The following CUZD1 variants were observed in gnomAD, a reference collection of about 807,000 sequenced individuals.
CUZD1 encodes the protein CUB and zona pellucida-like domain-containing protein 1.
Under a neutral mutation model 53.1 loss-of-function variants are expected in CUZD1, and 42 were observed. The observed-to-expected ratio is 0.79, with a 90% confidence interval of 0.62 to 1.02. The LOEUF is 1.02. CUZD1 is among the 50% of genes least tolerant of loss of function. The probability of loss-of-function intolerance (pLI) is 0.00; values close to 1 mark genes in which losing one functional copy is unlikely to be tolerated. For missense variants in CUZD1, 670 were observed against 715.7 expected, an observed-to-expected ratio of 0.94 and a Z score of 0.73; for synonymous variants, 238 against 257.2, an observed-to-expected ratio of 0.93 and a Z score of 0.71.
At position 122,835,077 on chromosome 10, in the gene CUZD1, A is replaced by C; in HGVS notation, c.1011T>G (p.Thr337=). The C allele has an allele frequency of 6.4e-7, 1 of 1,573,810 alleles. No individual in the cohort carries two copies. Among genetic ancestry groups the C allele is most frequent in the Admixed American group, 1.9e-5 (1 of 53,588 alleles). The change falls in exon 7 of 9, where the codon ACT becomes ACG. Residue 337 remains threonine (T), a synonymous_variant. Transcript: ENST00000392790. ...TIRKVEDQSI[T]YTNIITFSAS... ...CAGAAAAGGTGATTATATTGGTGTAAGTAATTGACTGATCTTCTACCTGCA... is the reference window on the plus strand; with the variant it reads ...CAGAAAAGGTGATTATATTGGTGTACGTAATTGACTGATCTTCTACCTGCA...
At chr10:122,840,495 T>C (rs1847323521) in intron 2 of CUZD1, among the ~76,000 whole-genome samples, 1 of 152,146 alleles carries the variant, frequency 6.6e-6, no homozygotes, top group African/African-American at 2.4e-5. Context: ...TTGGACCTGG[T>C]GACTTCTCTG....
chr10:122,833,731 G>C lies in CUZD1; in HGVS notation c.1592C>G (p.Thr531Arg), dbSNP rs780781010. The C allele has an allele frequency of 5.0e-6, 8 of 1,613,868 alleles. No homozygotes were observed. Among genetic ancestry groups the C allele is most frequent in the Non-Finnish European group, 6.8e-6 (8 of 1,179,932 alleles). The change falls in exon 8 of 9, where the codon ACA becomes AGA. Residue 531 changes from threonine to arginine, a missense_variant. Coordinates refer to ENST00000392790, the MANE Select transcript of CUZD1 (RefSeq NM_022034.6). ...KRDISSYKWK[T>R]DSIIGPIRLK... is the part of the protein sequence containing the mutation. ...ACGAATGGGTCCTATGATGGAATCT[G>C]TTTTCCATTTATATGAAGAAATGTC... is the stretch of plus-strand genomic sequence containing the variant.
chr10:122,845,851 A>C lies in CUZD1; in HGVS notation c.-8T>G. On this transcript the variant is annotated 5_prime_UTR_variant, in exon 1 of 9. Coordinates refer to ENST00000392790, the MANE Select transcript of CUZD1 (RefSeq NM_022034.6). ...CCTTCTTACAAGCTCCATTTTGGCA[A>C]GGCGCTGGGCAGCCTTAAGGACCGA... 6.2e-7 allele frequency: 1 copy of C among 1,613,130 alleles called. No homozygotes were observed. Among genetic ancestry groups the C allele is most frequent in the Non-Finnish European group, 8.5e-7 (1 of 1,179,432 alleles).
intron 8 of CUZD1, 147 bp from the exon 9 acceptor site, chr10:122,832,597 C>A (rs1591708373): frequency 2.3e-6 from 1 of 431,742 alleles, no homozygotes; most frequent in East Asian, 3.7e-5. Context: ...TATAGAGGAA[C>A]CATTATCAAA....
chr10:122,844,490 T>TA (rs1169208347), intron 1 of CUZD1, among the ~76,000 whole-genome samples: 3 of 152,104 alleles, frequency 2.0e-5, no homozygotes, highest in Admixed American at 6.5e-5. Flanking sequence ...AAGCTGTTAT[T>TA]AAAAAGGAGA....
intron 2 of CUZD1, among the ~76,000 whole-genome samples, chr10:122,840,916 C>A (rs1474749962): frequency 1.3e-5 from 2 of 152,134 alleles, no homozygotes; most frequent in Admixed American, 6.5e-5. Flanking sequence ...TTTGTGTGAC[C>A]TCAGACAAGT....
rs1299857090 is a variant in CUZD1 at position 122,839,144 on chromosome 10, G to C, written c.321C>G (p.Cys107Trp). 1.2e-6 allele frequency: 2 copies of C among 1,613,466 alleles called. No individual in the cohort carries two copies. The highest frequency in any genetic ancestry group is 1.7e-6 in the Non-Finnish European group (2 of 1,179,600). Residue 107 changes from cysteine (C) to tryptophan (W), a missense_variant, in exon 3 of 9, where the codon TGC (cysteine) becomes TGG (tryptophan). Physicochemically the swap from Cys to Trp is radical, Grantham distance 215 (BLOSUM62 -2). Transcript: ENST00000392790. ...SSNGPLLGQV[C>W]SKNDYVPVFE... Reference sequence around the variant, plus strand: ...ATACAGGAACATAGTCGTTTTTACTGCAGACTTGCCCTAGCAGAGGCCCAT... The same window carrying C: ...ATACAGGAACATAGTCGTTTTTACTCCAGACTTGCCCTAGCAGAGGCCCAT...
chr10:122,844,089 C>T (rs992389543), intron 1 of CUZD1, among the ~76,000 whole-genome samples: 4 of 151,346 alleles, frequency 2.6e-5, no homozygotes, highest in Admixed American at 2.0e-4. Context: ...ATTGAGATGG[C>T]ACAATCATAG....
intron 2 of CUZD1, among the ~76,000 whole-genome samples, chr10:122,839,500 C>T (rs1247552119): frequency 1.3e-5 from 2 of 152,206 alleles, no homozygotes; most frequent in Non-Finnish European, 2.9e-5. Context: ...AATTCCTTTC[C>T]TTCTACCTGT....
Position 122,836,208 on chromosome 10 carries a change from G to C in CUZD1, c.960C>G (p.Val320=), listed in dbSNP as rs938471117. Residue 320 remains valine, a synonymous_variant, in exon 6 of 9, where the codon GTC becomes GTG. Coordinates refer to ENST00000392790, the MANE Select transcript of CUZD1 (RefSeq NM_022034.6). The part of the protein sequence containing the change: ...PKLSNVVEFS[V]PLNGCGTIRK... ...TGATTGTACCACATCCATTAAGAGG[G>C]ACAGAAAATTCCACAACATTTGATA... The C allele has an allele frequency of 9.9e-6, 16 of 1,608,336 alleles. No homozygotes were observed. The highest frequency in any genetic ancestry group is 1.3e-5 in the Non-Finnish European group (15 of 1,178,400).
intron 6 of CUZD1, among the ~76,000 whole-genome samples, chr10:122,835,329 GA>G (rs1847232395): frequency 6.6e-6 from 1 of 152,190 alleles, no homozygotes; most frequent in Non-Finnish European, 1.5e-5. Flanking sequence ...GATAGAATCA[GA>G]CAATTTTTTT....
intron 6 of CUZD1, among the ~76,000 whole-genome samples, chr10:122,835,655 T>C (rs1847237822): frequency 6.6e-6 from 1 of 152,192 alleles, no homozygotes; most frequent in Admixed American, 6.5e-5. Context: ...AACTTTATAG[T>C]ATGTATCCTA....
intron 8 of CUZD1, among the ~76,000 whole-genome samples, chr10:122,833,405 T>C (rs553319326): frequency 6.6e-6 from 1 of 152,280 alleles, no homozygotes; most frequent in Non-Finnish European, 1.5e-5. Flanking sequence ...AAGAAACTTG[T>C]TTTTAGAGAT....
intron 3 of CUZD1, chr10:122,837,815 A>T: frequency 3.0e-6 from 1 of 329,934 alleles, no homozygotes; most frequent in Non-Finnish European, 5.5e-6. Context: ...ATCTGGAGAG[A>T]CTCCCATTAC....
intron 5 of CUZD1, 23 bp from the exon 6 acceptor site, chr10:122,836,373 A>G: frequency 2.1e-6 from 3 of 1,433,158 alleles, no homozygotes; most frequent in Non-Finnish European, 2.8e-6. Context: ...AAAAAAAAAA[A>G]AGAATGGTCA....
chr10:122,837,513 A>T lies in CUZD1; in HGVS notation c.490T>A (p.Ser164Thr), dbSNP rs1847272340. The T allele has an allele frequency of 1.9e-6, 3 of 1,606,948 alleles. No individual in the cohort carries two copies. The highest frequency in any genetic ancestry group is 1.7e-6 in the Non-Finnish European group (2 of 1,176,576). The part of the protein sequence containing the change: ...CGGYLDTLEG[S>T]FTSPNYPKPH... ...TTTGGGTAATTGGGGCTGGTGAAGG[A>T]TCCTTCCAAGGTATCCAGGTAACCG... Residue 164 changes from serine (S) to threonine (T), a missense_variant, in exon 4 of 9, where the codon TCC becomes ACC. Physicochemically the swap from Ser to Thr is moderately conservative, Grantham distance 58 (BLOSUM62 1). Coordinates refer to ENST00000392790, the MANE Select transcript of CUZD1 (RefSeq NM_022034.6).
chr10:122,833,582 T>TA, intron 8 of CUZD1, 90 bp downstream of exon 8: 1 of 1,348,606 alleles, frequency 7.4e-7, no homozygotes, highest in Non-Finnish European at 1.0e-6. Flanking sequence ...TATAAATCTC[T>TA]AAACTGTACA....
rs75166570 is a variant in CUZD1 at position 122,842,188 on chromosome 10, C to T, written c.83-860G>A. 1.5e-3 allele frequency among the ~76,000 whole-genome samples: 229 copies of T among 152,260 alleles called. 1 individual carries two copies. The East Asian group carries it at 0.039, about 26-fold the overall frequency. On this transcript the variant is annotated intron_variant, in intron 1 of 8. Coordinates refer to ENST00000392790, the MANE Select transcript of CUZD1 (RefSeq NM_022034.6). ...GCTTTTGGTGTCTTGTCTAAGAACT[C>T]TTTGCTCAACCCCAGGTTACAAAGA...
rs1566240865 is a variant in CUZD1 at position 122,845,766 on chromosome 10, A to G, written c.78T>C (p.Ala26=). Residue 26 remains alanine, a synonymous_variant, in exon 1 of 9, where the codon GCT becomes GCC. Coordinates refer to ENST00000392790, the MANE Select transcript of CUZD1 (RefSeq NM_022034.6). ...SCLAELTMAE[A]EGNASCTVSL... is the part of the protein sequence containing the mutation. ...AATCTGGTTCAATTTTCTTACCTTC[A>G]GCCTCCGCCATTGTCAGCTCCGCCA... The G allele has an allele frequency of 6.2e-7, 1 of 1,613,590 alleles. No homozygotes were observed.
Sources: allele counts gnomAD v4.1 joint callset (sites outside exome capture counted in the v4.1 genomes callset), GRCh38; gene constraint gnomAD v4.1.1; transcripts MANE v1.5; gene names NCBI Gene and HGNC (gene_info 2026-07-23, HGNC 2026-07-21).